PRR11: variants seen among roughly 807,000 people sequenced by gnomAD.
The protein encoded by PRR11 is proline-rich protein 11.
Under a neutral mutation model 45.6 loss-of-function variants are expected in PRR11, and 30 were observed. The observed-to-expected ratio is 0.66, with a 90% CI of 0.49 to 0.89. The LOEUF (loss-of-function observed/expected upper bound fraction) is 0.89. PRR11 is among the 40% of genes least tolerant of loss of function. The pLI, the probability that PRR11 is intolerant of heterozygous loss-of-function variation, is 0.00. For missense variants in PRR11, 373 were observed against 424.8 expected (o/e 0.88, Z 1.07); for synonymous variants, 128 against 153.5 (o/e 0.83, Z 1.23).
chr17:59,195,490 A>G, intron 7 of PRR11, 47 bp downstream of exon 7: 2 of 1,280,350 alleles, frequency 1.6e-6, no homozygotes, highest in Non-Finnish European at 2.2e-6. Context: ...TAAAAGAATG[A>G]TATTGTTGTA....
intron 1 of PRR11, among the ~76,000 whole-genome samples, chr17:59,159,065 C>T (rs866820964): frequency 2.0e-5 from 3 of 152,216 alleles, no homozygotes; most frequent in African/African-American, 4.8e-5. Flanking sequence ...GGTGATCCAC[C>T]CACCTCAGTC....
rs1209088521 is a variant in PRR11 at position 59,206,067 on chromosome 17, AAAAG to A, written c.*4440_*4443del. On this transcript the variant is annotated 3_prime_UTR_variant, in exon 10 of 10. Transcript: ENST00000262293. ...CCTTGTCTCAAAAAAAAAAGAAAGA[AAAAG>A]AAAAATGCTTTATGGCCCAGTGCAG... 6.6e-6 allele frequency among the ~76,000 whole-genome samples: 1 copy of A among 151,908 alleles called. No homozygotes were observed. Among genetic ancestry groups the A allele is most frequent in the Non-Finnish European group, 1.5e-5 (1 of 67,994 alleles).
At chr17:59,161,133 A>C (rs1315571121) in intron 1 of PRR11, among the ~76,000 whole-genome samples, 1 of 152,194 alleles carries the variant, frequency 6.6e-6, no homozygotes, top group Non-Finnish European at 1.5e-5. Context: ...TAGGCCAGGC[A>C]TGGTGGCTCA....
At position 59,202,916 on chromosome 17, in the gene PRR11, C is replaced by T. The variant is rs2046899600; in HGVS notation, c.*1285C>T. 6.6e-6 allele frequency: 1 copy of T among 152,078 alleles called. No individual in the cohort carries two copies. Among genetic ancestry groups the T allele is most frequent in the African/African-American group, 2.4e-5 (1 of 41,418 alleles). 9.4% of individuals were successfully genotyped at this position (152,078 alleles called of 1,614,324 possible). On this transcript the variant is annotated 3_prime_UTR_variant, in exon 10 of 10. Coordinates refer to ENST00000262293, the MANE Select transcript of PRR11 (RefSeq NM_018304.4). ...TGACGCACACCTGTAGTCTAAGTGT[C>T]CAAGTTACTTGTGAAGCTGAGGTGG... is the stretch of plus-strand genomic sequence containing the variant.
Position 59,206,096 on chromosome 17 carries a change from G to C in PRR11, c.*4465G>C, listed in dbSNP as rs2046917046. Among the ~76,000 whole-genome samples the C allele has an allele frequency of 6.6e-6, 1 of 152,048 alleles. No homozygotes were observed. On this transcript the variant is annotated 3_prime_UTR_variant, in exon 10 of 10. Transcript: ENST00000262293. ...GAAAAATGCTTTATGGCCCAGTGCA[G>C]TGGCTCACACCTATAATCCTAGCAC...
intron 1 of PRR11, among the ~76,000 whole-genome samples, chr17:59,168,066 C>G (rs553498217): frequency 1.3e-5 from 2 of 152,142 alleles, no homozygotes; most frequent in South Asian, 2.1e-4. Context: ...TTTCCCTATT[C>G]CTCCTTCCTC....
chr17:59,187,591 G>A (rs960566149), intron 4 of PRR11, among the ~76,000 whole-genome samples: 7 of 151,810 alleles, frequency 4.6e-5, no homozygotes, highest in Non-Finnish European at 1.0e-4. Flanking sequence ...AGGGCTGAGC[G>A]CAGTGGCTCA....
At chr17:59,173,471 A>T (rs191948052) in intron 2 of PRR11, among the ~76,000 whole-genome samples, 1 of 152,142 alleles carries the variant, frequency 6.6e-6, no homozygotes, top group African/African-American at 2.4e-5. Context: ...CTGCAGCTTC[A>T]CTTCTGAAGC....
intron 2 of PRR11, chr17:59,179,596 T>C: frequency 6.6e-7 from 1 of 1,506,298 alleles, no homozygotes; most frequent in South Asian, 1.1e-5. Flanking sequence ...ATTGGAAGTT[T>C]CCTCTTTTTT....
intron 9 of PRR11, among the ~76,000 whole-genome samples, chr17:59,198,301 A>G (rs2046876415): frequency 6.6e-6 from 1 of 152,064 alleles, no homozygotes. Context: ...GCACTTTGGG[A>G]GGCCGAGGTG....
chr17:59,173,534 T>C (rs1244607129), intron 2 of PRR11, among the ~76,000 whole-genome samples: 1 of 151,812 alleles, frequency 6.6e-6, no homozygotes, highest in Non-Finnish European at 1.5e-5. Context: ...ACGCCCTGCC[T>C]TAAGAGCTGT....
intron 2 of PRR11, among the ~76,000 whole-genome samples, chr17:59,182,917 TC>T (rs2046796152): frequency 6.6e-6 from 1 of 152,100 alleles, no homozygotes; most frequent in Admixed American, 6.5e-5. Flanking sequence ...TCCAAGGCCT[TC>T]TTCTGGACTC....
intron 2 of PRR11, chr17:59,179,517 C>CTTCTGAG (rs2046768874): frequency 6.9e-6 from 9 of 1,304,314 alleles, no homozygotes; most frequent in Non-Finnish European, 9.3e-6. Flanking sequence ...TGAGTGATCA[C>CTTCTGAG]TTCTGAGTCC....
chr17:59,198,712 C>T (rs923411112), intron 9 of PRR11, among the ~76,000 whole-genome samples: 6 of 151,600 alleles, frequency 4.0e-5, no homozygotes, highest in African/African-American at 1.5e-4. Flanking sequence ...TGACTCGTGC[C>T]TGTAATCCCG....
chr17:59,168,469 C>T (rs1004351981), intron 1 of PRR11, among the ~76,000 whole-genome samples: 5 of 152,100 alleles, frequency 3.3e-5, no homozygotes, highest in Non-Finnish European at 7.4e-5. Flanking sequence ...CACACCCAGC[C>T]GGTGATGTTT....
rs537405464 is a variant in PRR11, at chr17:59,176,361, G to A, written c.128+6481G>A. Among the ~76,000 whole-genome samples the A allele has an allele frequency of 1.4e-4, 21 of 152,276 alleles. 1 individual carries two copies. Among genetic ancestry groups the A allele is most frequent in the Admixed American group, 1.2e-3 (19 of 15,292 alleles). On this transcript the variant is annotated intron_variant, in intron 2 of 9. Transcript: ENST00000262293. ...TGGGCAGTGAGGGTGTTGTGCTTTG[G>A]AAAGACGCTCAGGCTGCACTAGGAA...
In PRR11 at chr17:59,205,610, A is replaced by G. The variant is rs2046914245; in HGVS notation, c.*3979A>G. ...CCAGCTACTGGGAAGGCTGAGCCAG[A>G]ATGGCTTGAACCTGGGAGGCAGAGG... On this transcript the variant is annotated 3_prime_UTR_variant, in exon 10 of 10. Coordinates refer to ENST00000262293, the MANE Select transcript of PRR11 (RefSeq NM_018304.4). Among the ~76,000 whole-genome samples, 1 of 151,784 alleles carries G rather than the reference A, an allele frequency of 6.6e-6. No individual in the cohort carries two copies. The highest frequency in any genetic ancestry group is 2.4e-5 in the African/African-American group (1 of 41,280).
At chr17:59,177,448 A>C (rs2147843315) in intron 2 of PRR11, among the ~76,000 whole-genome samples, 1 of 152,250 alleles carries the variant, frequency 6.6e-6, no homozygotes, top group African/African-American at 2.4e-5. Flanking sequence ...GAGAAGCTGG[A>C]GGAAGGCATG....
chr17:59,199,817 T>C (rs1455082234), intron 9 of PRR11, among the ~76,000 whole-genome samples: 1 of 152,246 alleles, frequency 6.6e-6, no homozygotes, highest in Admixed American at 6.5e-5. Context: ...AACTTGGTCC[T>C]ACTGGGCACT....
Sources: gnomAD v4.1 joint callset for allele counts (sites outside exome capture counted in the v4.1 genomes callset) on GRCh38, gnomAD v4.1.1 for gene constraint, MANE v1.5 for transcripts, NCBI Gene and HGNC (gene_info 2026-07-23, HGNC 2026-07-21) for gene names.